Variants in ASIC2 observed in about 807,000 individuals in gnomAD.
ASIC2 encodes the protein acid-sensing ion channel 2.
Under a neutral mutation model 57.3 loss-of-function variants are expected in ASIC2, and 25 were observed. That is an observed-to-expected ratio of 0.44 (90% CI 0.32 to 0.61). ASIC2 has a LOEUF of 0.61. Among genes scored for constraint, ASIC2 ranks in the 20% least tolerant of loss-of-function variants. The pLI is 0.06. For missense variants in ASIC2, 641 were observed against 738.1 expected, an observed-to-expected ratio of 0.87 and a Z score of 1.52; for synonymous variants, 319 against 307.5, an observed-to-expected ratio of 1.04 and a Z score of -0.39.
chr17:33,463,882 A>C (rs1308209047), intron 1 of ASIC2, among the ~76,000 whole-genome samples: 2 of 152,198 alleles, frequency 1.3e-5, no homozygotes, highest in Non-Finnish European at 2.9e-5. Context: ...TCATGTCTCC[A>C]GAAACTAGTA....
At chr17:34,125,864 C>A (rs1911765604) in intron 1 of ASIC2, among the ~76,000 whole-genome samples, 1 of 152,276 alleles carries the variant, frequency 6.6e-6, no homozygotes, top group African/African-American at 2.4e-5. Context: ...GCTCAGATAC[C>A]AAATCCTGAG....
chr17:33,957,928 T>C (rs1043872627), intron 1 of ASIC2, among the ~76,000 whole-genome samples: 3 of 152,186 alleles, frequency 2.0e-5, no homozygotes, highest in Non-Finnish European at 4.4e-5. Context: ...ACTTCCTAGA[T>C]ACAATAGGGG....
intron 1 of ASIC2, among the ~76,000 whole-genome samples, chr17:33,260,692 C>T (rs1000560803): frequency 5.3e-5 from 8 of 152,180 alleles, no homozygotes; most frequent in Non-Finnish European, 1.0e-4. Context: ...GCCAGAGATG[C>T]CGTGATAGTC....
At chr17:33,883,537 A>C (rs1914754801) in intron 1 of ASIC2, among the ~76,000 whole-genome samples, 2 of 152,160 alleles carry the variant, frequency 1.3e-5, no homozygotes, top group South Asian at 4.1e-4. Context: ...AGCCTCATCT[A>C]GTGCCCTGTC....
intron 1 of ASIC2, among the ~76,000 whole-genome samples, chr17:34,043,636 A>G (rs1908221705): frequency 6.6e-6 from 1 of 152,238 alleles, no homozygotes; most frequent in Non-Finnish European, 1.5e-5. Context: ...CATTCAGCAA[A>G]TGTTTACTTG....
chr17:33,708,980 G>A (rs560755245), intron 1 of ASIC2, among the ~76,000 whole-genome samples: 18 of 152,312 alleles, frequency 1.2e-4, no homozygotes, highest in Middle Eastern at 3.4e-3. Context: ...ATGAGGAAAA[G>A]AAGGTATAAT....
At chr17:33,563,163 G>A (rs1047323879) in intron 1 of ASIC2, among the ~76,000 whole-genome samples, 1 of 152,150 alleles carries the variant, frequency 6.6e-6, no homozygotes, top group African/African-American at 2.4e-5. Flanking sequence ...AAAATGATGA[G>A]GCTTTCTGCT....
intron 1 of ASIC2, among the ~76,000 whole-genome samples, chr17:33,351,660 G>C (rs1399142624): frequency 6.6e-6 from 1 of 152,188 alleles, no homozygotes; most frequent in Non-Finnish European, 1.5e-5. Context: ...TGAAATGCTT[G>C]ATTGTGGTGC....
At chr17:33,418,789 C>T (rs1288630443) in intron 1 of ASIC2, among the ~76,000 whole-genome samples, 3 of 152,112 alleles carry the variant, frequency 2.0e-5, no homozygotes, top group South Asian at 2.1e-4. Context: ...AGGATGAGTT[C>T]GTGTCCTTTG....
At chr17:33,364,401 C>G (rs1407669330) in intron 1 of ASIC2, among the ~76,000 whole-genome samples, 5 of 152,152 alleles carry the variant, frequency 3.3e-5, no homozygotes, top group Non-Finnish European at 7.3e-5. Context: ...ACTAATTTTT[C>G]TTGGTGTCTG....
intron 1 of ASIC2, among the ~76,000 whole-genome samples, chr17:33,637,516 C>G (rs1906411655): frequency 6.6e-6 from 1 of 152,314 alleles, no homozygotes; most frequent in South Asian, 2.1e-4. Flanking sequence ...TTTCTCACGT[C>G]TTTGTTCCCA....
chr17:33,154,047 C>G (rs1393635005), intron 1 of ASIC2, among the ~76,000 whole-genome samples: 2 of 152,172 alleles, frequency 1.3e-5, no homozygotes, highest in Non-Finnish European at 2.9e-5. Context: ...AACTCTACCT[C>G]AGGGTCTGCT....
intron 1 of ASIC2, among the ~76,000 whole-genome samples, chr17:33,618,339 C>T (rs918241041): frequency 3.9e-5 from 6 of 152,020 alleles, no homozygotes; most frequent in African/African-American, 9.7e-5. Context: ...TAATCATGAG[C>T]CACCACACGT....
intron 1 of ASIC2, among the ~76,000 whole-genome samples, chr17:33,195,998 C>A (rs539810258): frequency 3.9e-5 from 6 of 152,298 alleles, no homozygotes; most frequent in South Asian, 4.1e-4. Context: ...CCTGTCTTAC[C>A]TCACAAAGGT....
chr17:33,782,622 G>T (rs1426406285), intron 1 of ASIC2, among the ~76,000 whole-genome samples: 2 of 152,078 alleles, frequency 1.3e-5, no homozygotes, highest in Admixed American at 1.3e-4. Context: ...CCAGCTACTT[G>T]GGAGGCTTAG....
chr17:33,244,024 C>T (rs910652156), intron 1 of ASIC2, among the ~76,000 whole-genome samples: 4 of 152,150 alleles, frequency 2.6e-5, no homozygotes, highest in Non-Finnish European at 4.4e-5. Context: ...TCCCCCAGCC[C>T]GCTTCTATAT....
At chr17:33,378,797 T>C (rs1021227052) in intron 1 of ASIC2, among the ~76,000 whole-genome samples, 1 of 152,228 alleles carries the variant, frequency 6.6e-6, no homozygotes, top group East Asian at 1.9e-4. Flanking sequence ...TAGGCCTTGA[T>C]GTTGTCCACC....
At chr17:33,337,471 CA>C (rs1907558356) in intron 1 of ASIC2, among the ~76,000 whole-genome samples, 1 of 150,696 alleles carries the variant, frequency 6.6e-6, no homozygotes, top group Non-Finnish European at 1.5e-5. Flanking sequence ...GTGCTTCCTC[CA>C]AGCCCTGTGA....
intron 1 of ASIC2, among the ~76,000 whole-genome samples, chr17:33,457,252 T>C (rs1036486898): frequency 2.1e-4 from 32 of 151,938 alleles, no homozygotes; most frequent in Non-Finnish European, 3.8e-4. Flanking sequence ...TTTTCTTTTT[T>C]TTTTTTTTAC....
Sources: gnomAD v4.1 joint callset for allele counts (sites outside exome capture counted in the v4.1 genomes callset) on GRCh38, gnomAD v4.1.1 for gene constraint, MANE v1.5 for transcripts, NCBI Gene and HGNC (gene_info 2026-07-23, HGNC 2026-07-21) for gene names.